The following SPTBN1 variants were observed in gnomAD, a reference collection of about 807,000 sequenced individuals.
SPTBN1 encodes spectrin beta, non-erythrocytic 1.
SPTBN1 carries 32 observed loss-of-function variants against 266.4 expected under a neutral mutation model. The ratio of observed to expected loss-of-function variants is 0.12; its 90% CI spans 0.09 to 0.16. SPTBN1 has a LOEUF of 0.16. SPTBN1 is among the 10% of genes least tolerant of loss of function. SPTBN1 has a pLI of 1.00. For synonymous variants in SPTBN1, 1,336 were observed against 1,162.2 expected, an observed-to-expected ratio of 1.15 and a Z score of -3.04; for missense variants, 2,296 against 3,067.1, an observed-to-expected ratio of 0.75 and a Z score of 5.94.
At chr2:54,656,077 T>G in intron 29 of SPTBN1, 79 bp downstream of exon 29, 1 of 1,244,408 alleles carries the variant, frequency 8.0e-7, no homozygotes, top group Non-Finnish European at 1.1e-6. Flanking sequence ...TTTAATTCAT[T>G]AATGTTATCA....
intron 1 of SPTBN1, among the ~76,000 whole-genome samples, chr2:54,502,638 T>A (rs886984599): frequency 6.6e-6 from 1 of 152,194 alleles, no homozygotes; most frequent in African/African-American, 2.4e-5. Context: ...GACAGAGATG[T>A]GTTCATGGAA....
chr2:54,535,377 C>T (rs1033110607), intron 2 of SPTBN1, among the ~76,000 whole-genome samples: 6 of 152,204 alleles, frequency 3.9e-5, no homozygotes, highest in African/African-American at 1.4e-4. Flanking sequence ...AAAGAAATCC[C>T]ATGTACGTTA....
chr2:54,568,009 C>T lies in SPTBN1; in HGVS notation c.149-31083C>T, dbSNP rs553445353. 2.0e-5 allele frequency among the ~76,000 whole-genome samples: 3 copies of T among 152,238 alleles called. No homozygotes were observed. The South Asian group carries it at 6.2e-4, about 32-fold the overall frequency. On this transcript the variant is annotated intron_variant, in intron 2 of 35. Transcript: ENST00000356805. ...TTGTTGGAAATACAGCATCTCAGGC[C>T]GACCTCCCCACAGACCTCCTAAGTC...
chr2:54,620,806 A>G (rs1197115242), intron 7 of SPTBN1, among the ~76,000 whole-genome samples: 2 of 152,192 alleles, frequency 1.3e-5, no homozygotes, highest in Non-Finnish European at 2.9e-5. Context: ...TGGAGGACTG[A>G]AGCGCTTATA....
chr2:54,547,598 T>C (rs1573386850), intron 2 of SPTBN1, among the ~76,000 whole-genome samples: 1 of 152,222 alleles, frequency 6.6e-6, no homozygotes, highest in Non-Finnish European at 1.5e-5. Context: ...GGTTCCAATT[T>C]CTCCATATCC....
Position 54,637,735 on chromosome 2 carries a change from G to A in SPTBN1, c.3790G>A (p.Ala1264Thr). The A allele has an allele frequency of 6.2e-7, 1 of 1,613,766 alleles. No homozygotes were observed. The highest frequency in any genetic ancestry group is 1.3e-5 in the African/African-American group (1 of 75,034). The stretch of plus-strand genomic sequence containing the variant: ...TAGACATAGGAAGAATCGTGAGACA[G>A]CCAGTGAACTTTTGATGAGGTTGAA... ...DDRHRKNRETASELLMRLKDN... is the reference protein window; with the variant it reads ...DDRHRKNRETTSELLMRLKDN... Residue 1264 changes from alanine (A) to threonine (T), a missense_variant, in exon 18 of 36, where the codon GCC becomes ACC. By Grantham distance (58) the Ala-to-Thr change is moderately conservative. This residue lies in a region of SPTBN1 where 386 missense variants were observed against 486.1 expected (regional missense o/e 0.79). Transcript: ENST00000356805.
At chr2:54,499,959 C>T (rs957058002) in intron 1 of SPTBN1, among the ~76,000 whole-genome samples, 4 of 152,170 alleles carry the variant, frequency 2.6e-5, no homozygotes, top group Admixed American at 6.5e-5. Flanking sequence ...CAGATGAAGG[C>T]GCAAATGGTA....
intron 1 of SPTBN1, among the ~76,000 whole-genome samples, chr2:54,475,470 T>G (rs1367281152): frequency 3.3e-5 from 5 of 152,140 alleles, no homozygotes; most frequent in Non-Finnish European, 7.4e-5. Context: ...GGAGAATCAC[T>G]CTTGCCTGCT....
intron 16 of SPTBN1, among the ~76,000 whole-genome samples, chr2:54,632,046 C>T (rs915893685): frequency 6.8e-6 from 1 of 148,066 alleles, no homozygotes. Flanking sequence ...CACTGCACTC[C>T]AGCCTGGTGG....
chr2:54,514,301 A>G (rs1364870313), intron 1 of SPTBN1, among the ~76,000 whole-genome samples: 6 of 152,194 alleles, frequency 3.9e-5, no homozygotes, highest in Non-Finnish European at 8.8e-5. Context: ...TAAACAGTGT[A>G]TTTCCCACGA....
chr2:54,598,968 G>T (rs1417270529), intron 2 of SPTBN1, 124 bp from the exon 3 acceptor site: 5 of 981,274 alleles, frequency 5.1e-6, no homozygotes, highest in Non-Finnish European at 7.7e-6. Context: ...GCGCTAAGTA[G>T]AGGTGTCCTT....
chr2:54,505,815 C>G (rs943420739), intron 1 of SPTBN1, among the ~76,000 whole-genome samples: 6 of 152,100 alleles, frequency 3.9e-5, no homozygotes, highest in African/African-American at 1.4e-4. Context: ...TCTCTTCCAA[C>G]CTTGGGAACT....
intron 1 of SPTBN1, among the ~76,000 whole-genome samples, chr2:54,468,434 C>T (rs189485414): frequency 1.3e-5 from 2 of 152,094 alleles, no homozygotes; most frequent in Admixed American, 1.3e-4. Flanking sequence ...TCATCTCACA[C>T]ATACATATTA....
intron 2 of SPTBN1, among the ~76,000 whole-genome samples, chr2:54,569,993 T>G (rs182869592): frequency 2.8e-5 from 4 of 140,870 alleles, no homozygotes; most frequent in East Asian, 2.5e-4. Context: ...TTAGAAAGAT[T>G]AGAAGGTTCA....
rs1370155626 is a variant in SPTBN1, at chr2:54,558,141, G to A, written c.148+31575G>A. The A allele has an allele frequency of 9.1e-6, 9 of 985,282 alleles. No individual in the cohort carries two copies. The highest frequency in any genetic ancestry group is 1.1e-5 in the Non-Finnish European group (9 of 829,914). The allele number at this position is 985,282 out of a possible 1,614,324, so 61.0% of individuals were successfully genotyped here. A position where few individuals can be genotyped will look rare whatever the true frequency, so the allele number is the denominator to read the frequency against. On this transcript the variant is annotated intron_variant, in intron 2 of 35. Transcript: ENST00000356805. This position sits in a 1 kb window ranked among gnomAD's most constrained non-coding sequence, Gnocchi z 4.6. ...TTGTAATTCCAGCAGCTCTGTTTGGGAAGGCACTACCGCGGCGAGTCCAGG... is the reference window on the plus strand; with the variant it reads ...TTGTAATTCCAGCAGCTCTGTTTGGAAAGGCACTACCGCGGCGAGTCCAGG...
At chr2:54,500,645 A>G (rs1436559490) in intron 1 of SPTBN1, among the ~76,000 whole-genome samples, 2 of 152,246 alleles carry the variant, frequency 1.3e-5, no homozygotes, top group East Asian at 1.9e-4. Flanking sequence ...TCCCAGGCTC[A>G]AGGGATCCAC....
intron 2 of SPTBN1, among the ~76,000 whole-genome samples, chr2:54,528,912 C>T (rs1671015338): frequency 6.6e-6 from 1 of 152,124 alleles, no homozygotes; most frequent in Non-Finnish European, 1.5e-5. Context: ...TTACAAGATA[C>T]CAGGAAACCC....
At chr2:54,569,525 A>G (rs1673911514) in intron 2 of SPTBN1, among the ~76,000 whole-genome samples, 4 of 152,232 alleles carry the variant, frequency 2.6e-5, no homozygotes, top group Admixed American at 2.6e-4. Context: ...CGTGCAGTTT[A>G]GAAGTGTTAA....
Position 54,665,925 on chromosome 2 carries a change from A to C in SPTBN1, c.6670A>C (p.Asn2224His), listed in dbSNP as rs760771900. 3 of 1,613,560 alleles carry C rather than the reference A, an allele frequency of 1.9e-6. No individual in the cohort carries two copies. The highest frequency in any genetic ancestry group is 2.5e-6 in the Non-Finnish European group (3 of 1,179,832). The change falls in exon 34 of 36, where the codon AAT (asparagine) becomes CAT (histidine). Residue 2224 changes from asparagine (N) to histidine (H), a missense_variant. By Grantham distance (68) the Asn-to-His change is moderately conservative (BLOSUM62 1). This residue lies in a region of SPTBN1 where 347 missense variants were observed against 368.5 expected (regional missense o/e 0.94). Transcript: ENST00000356805. Reference protein sequence around the residue: ...NKKASSRSWHNVYCVINNQEM... With the variant: ...NKKASSRSWHHVYCVINNQEM... ...TTTTAAACTGCACAGGTCCTGGCAC[A>C]ATGTTTATTGTGTCATAAATAACCA... is the stretch of plus-strand genomic sequence containing the variant.
Sources: allele counts gnomAD v4.1 joint callset (sites outside exome capture counted in the v4.1 genomes callset), GRCh38; gene constraint gnomAD v4.1.1; regional missense constraint gnomAD v4.1.1; non-coding constraint Gnocchi (gnomAD v3.1); transcripts MANE v1.5; gene names NCBI Gene and HGNC (gene_info 2026-07-23, HGNC 2026-07-21).